Variants in EML5 observed in about 807,000 individuals in gnomAD.
The protein encoded by EML5 is echinoderm microtubule-associated protein-like 5.
In EML5, 120 loss-of-function variants were observed where a neutral mutation model predicts 250.0. That is an observed-to-expected ratio of 0.48 (90% CI 0.41 to 0.56). The LOEUF (loss-of-function observed/expected upper bound fraction) is 0.56. EML5 is among the 20% of genes least tolerant of loss of function. EML5 has a pLI of 0.00. For missense variants in EML5, 2,006 were observed against 2,437.6 expected (o/e 0.82, Z 3.73); for synonymous variants, 771 against 806.5 (o/e 0.96, Z 0.75).
intron 26 of EML5, among the ~76,000 whole-genome samples, chr14:88,657,766 A>G (rs1373089398): frequency 6.6e-6 from 1 of 152,212 alleles, no homozygotes; most frequent in African/African-American, 2.4e-5. Context: ...TATTAGCTAC[A>G]TACATCTTAG....
Position 88,613,775 on chromosome 14 carries a change from C to T in EML5, c.*2043G>A, listed in dbSNP as rs1046314201. 6.6e-6 allele frequency: 1 copy of T among 152,024 alleles called. No individual in the cohort carries two copies. The highest frequency in any genetic ancestry group is 1.5e-5 in the Non-Finnish European group (1 of 68,012). The allele number at this position is 152,024 out of a possible 1,614,324, so 9.4% of individuals were successfully genotyped here. A position where few individuals can be genotyped will look rare whatever the true frequency, so the allele number is the denominator to read the frequency against. Reference sequence around the variant, plus strand: ...AATGGAACAAAAGGTGCCAGAAGTCCCAGGTTACACAATCAGGAGCTTAGA... The same window carrying T: ...AATGGAACAAAAGGTGCCAGAAGTCTCAGGTTACACAATCAGGAGCTTAGA... On this transcript the variant is annotated 3_prime_UTR_variant, in exon 44 of 44. Coordinates refer to ENST00000554922, the MANE Select transcript of EML5 (RefSeq NM_183387.3).
chr14:88,621,808 C>T (rs2089004806), intron 37 of EML5: 1 of 418,618 alleles, frequency 2.4e-6, no homozygotes, highest in Non-Finnish European at 4.7e-6. Flanking sequence ...CATAATTATA[C>T]ATATCTATAG....
chr14:88,653,623 G>A (rs1167650085), intron 27 of EML5, among the ~76,000 whole-genome samples: 1 of 152,166 alleles, frequency 6.6e-6, no homozygotes, highest in Non-Finnish European at 1.5e-5. Context: ...TGTTGAATGA[G>A]CTTTGCATCC....
intron 33 of EML5, chr14:88,628,062 T>C (rs2090148747): frequency 3.9e-6 from 2 of 518,894 alleles, no homozygotes; most frequent in South Asian, 1.8e-5. Context: ...ATTGCACTTT[T>C]GGAAAAACAG....
rs1293222814 is a variant in EML5, at chr14:88,612,741, A to C, written c.*3077T>G. 2.0e-5 allele frequency: 3 copies of C among 152,646 alleles called. No homozygotes were observed. The highest frequency in any genetic ancestry group is 4.4e-5 in the Non-Finnish European group (3 of 68,046). The allele number at this position is 152,646 out of a possible 1,614,324, so 9.5% of individuals were successfully genotyped here. ...AGATCAGATCAGATAGGTAAACTGC[A>C]AGATAGATAGGATGAAACTTTTGGC... On this transcript the variant is annotated 3_prime_UTR_variant, in exon 44 of 44. Transcript: ENST00000554922.
At chr14:88,681,451 G>T (rs997355835) in intron 21 of EML5, among the ~76,000 whole-genome samples, 85 of 152,258 alleles carry the variant, frequency 5.6e-4, no homozygotes, top group African/African-American at 2.0e-3. Context: ...TCTCTACCCT[G>T]ACAGCTTCAT....
rs2091947574 is a variant in EML5 at position 88,658,348 on chromosome 14, G to A, written c.3716C>T (p.Thr1239Ile). 10 of 1,613,638 alleles carry A rather than the reference G, an allele frequency of 6.2e-6. No individual in the cohort carries two copies. In the East Asian group the frequency reaches 2.2e-4, roughly 36 times the overall value. Residue 1239 changes from threonine to isoleucine, a missense_variant, in exon 26 of 44, where the codon ACA becomes ATA. Physicochemically the swap from Thr to Ile is moderately conservative, Grantham distance 89. Coordinates refer to ENST00000554922, the MANE Select transcript of EML5 (RefSeq NM_183387.3). ...AGTCCAGCGAACATTTGTGACATGT[G>A]TACTATGGGCCACATACCTCTTAAA... ...GKFKRYVAHS[T>I]HVTNVRWTYD...
At chr14:88,672,600 T>C (rs2141061948) in intron 21 of EML5, among the ~76,000 whole-genome samples, 1 of 152,018 alleles carries the variant, frequency 6.6e-6, no homozygotes, top group Non-Finnish European at 1.5e-5. Flanking sequence ...AAAATATTAA[T>C]GAATCCAGGG....
intron 27 of EML5, among the ~76,000 whole-genome samples, chr14:88,656,437 G>A (rs1766653872): frequency 6.6e-6 from 1 of 152,094 alleles, no homozygotes; most frequent in Admixed American, 6.6e-5. Context: ...TGGACACAGG[G>A]AGGGGAATAT....
intron 21 of EML5, among the ~76,000 whole-genome samples, chr14:88,678,453 A>G (rs868846570): frequency 6.6e-6 from 1 of 150,822 alleles, no homozygotes; most frequent in East Asian, 1.9e-4. Context: ...AACATAAAAT[A>G]AAAAAAAATT....
At chr14:88,669,867 G>A (rs533920807) in intron 21 of EML5, among the ~76,000 whole-genome samples, 1 of 152,268 alleles carries the variant, frequency 6.6e-6, no homozygotes, top group East Asian at 1.9e-4. Context: ...GACCCTCTGG[G>A]ACAGAGATCC....
At chr14:88,790,169 C>T (rs1276239440) in intron 1 of EML5, among the ~76,000 whole-genome samples, 2 of 152,296 alleles carry the variant, frequency 1.3e-5, no homozygotes, top group South Asian at 4.1e-4. Flanking sequence ...AGAGCCCTTT[C>T]ACTGATTCCT....
chr14:88,726,551 G>A lies in EML5; in HGVS notation c.1177C>T (p.Leu393Phe). 6.8e-6 allele frequency: 11 copies of A among 1,606,066 alleles called. No individual in the cohort carries two copies. Among genetic ancestry groups the A allele is most frequent in the Non-Finnish European group, 9.4e-6 (11 of 1,175,982 alleles). ...LGMKDGSFTV[L>F]RVRDMTEVVH... ...ACCCTAATACCATACCTTACTCTAA[G>A]TACAGTGAATGAGCCATCCTTCATT... is the stretch of plus-strand genomic sequence containing the variant. The change falls in exon 8 of 44, where the codon CTT becomes TTT. Residue 393 changes from leucine to phenylalanine, a missense_variant. Leu to Phe is a conservative substitution (Grantham distance 22, BLOSUM62 0). This residue lies in a region of EML5 where 1,375 missense variants were observed against 1,590.3 expected (regional missense o/e 0.86). Coordinates refer to ENST00000554922, the MANE Select transcript of EML5 (RefSeq NM_183387.3).
chr14:88,650,224 G>A (rs1048821453), intron 27 of EML5, among the ~76,000 whole-genome samples: 3 of 152,142 alleles, frequency 2.0e-5, no homozygotes, highest in African/African-American at 7.2e-5. Context: ...AGGCTGAGGT[G>A]GGTGAATCAC....
intron 1 of EML5, among the ~76,000 whole-genome samples, chr14:88,758,645 C>T (rs1426169781): frequency 3.3e-5 from 5 of 152,104 alleles, no homozygotes; most frequent in African/African-American, 9.7e-5. Context: ...ACAAAGTTAC[C>T]GTATGATCCA....
chr14:88,783,028 A>G (rs1244624174), intron 1 of EML5, among the ~76,000 whole-genome samples: 1 of 152,170 alleles, frequency 6.6e-6, no homozygotes, highest in African/African-American at 2.4e-5. Flanking sequence ...GCAGTAAGCC[A>G]AGATTGAGCC....
chr14:88,739,119 T>A (rs1282396297), intron 5 of EML5, 105 bp from the exon 6 acceptor site: 1 of 1,106,794 alleles, frequency 9.0e-7, no homozygotes. Flanking sequence ...TTTGGTAGGA[T>A]ATAAGAATAA....
intron 6 of EML5, among the ~76,000 whole-genome samples, chr14:88,737,559 AC>A (rs1750159451): frequency 6.6e-6 from 1 of 152,252 alleles, no homozygotes; most frequent in South Asian, 2.1e-4. Context: ...GCAAGGTAGC[AC>A]CCAAAATATC....
At chr14:88,659,630 C>T (rs2092004447) in intron 25 of EML5, among the ~76,000 whole-genome samples, 1 of 152,114 alleles carries the variant, frequency 6.6e-6, no homozygotes, top group South Asian at 2.1e-4. Flanking sequence ...ACATAATCTG[C>T]AGATCAATAT....
Sources: allele counts gnomAD v4.1 joint callset (sites outside exome capture counted in the v4.1 genomes callset), GRCh38; gene constraint gnomAD v4.1.1; regional missense constraint gnomAD v4.1.1; transcripts MANE v1.5; gene names NCBI Gene and HGNC (gene_info 2026-07-23, HGNC 2026-07-21).